NRXN3: variants seen among roughly 807,000 people sequenced by gnomAD.
The protein encoded by NRXN3 is neurexin 3.
NRXN3 carries 32 observed loss-of-function variants against 137.6 expected under a neutral mutation model. The observed-to-expected ratio is 0.23, with a 90% confidence interval of 0.18 to 0.31. NRXN3 has a LOEUF of 0.31. Among genes scored for constraint, NRXN3 ranks in the 10% least tolerant of loss-of-function variants. The pLI is 1.00. For synonymous variants in NRXN3, 798 were observed against 784.5 expected, an observed-to-expected ratio of 1.02 and a Z score of -0.29; for missense variants, 1,574 against 2,062.5, an observed-to-expected ratio of 0.76 and a Z score of 4.59.
intron 16 of NRXN3, among the ~76,000 whole-genome samples, chr14:79,582,286 T>C (rs987486985): frequency 6.6e-6 from 1 of 151,912 alleles, no homozygotes; most frequent in African/African-American, 2.4e-5. Context: ...TGTAAGGTAA[T>C]AGGAGCTCAC....
intron 10 of NRXN3, among the ~76,000 whole-genome samples, chr14:78,853,937 A>G (rs999381421): frequency 6.6e-6 from 1 of 152,226 alleles, no homozygotes; most frequent in Admixed American, 6.5e-5. Flanking sequence ...GCATTACAGC[A>G]GAGCTAAAGC....
chr14:78,733,282 G>A (rs530315316), intron 8 of NRXN3, among the ~76,000 whole-genome samples: 3 of 152,064 alleles, frequency 2.0e-5, no homozygotes, highest in Admixed American at 6.6e-5. Context: ...TAGGTTCAGG[G>A]CACAGGTATC....
At chr14:79,523,566 A>T (rs958698998) in intron 16 of NRXN3, among the ~76,000 whole-genome samples, 2 of 152,350 alleles carry the variant, frequency 1.3e-5, no homozygotes, top group African/African-American at 2.4e-5. Flanking sequence ...AGGATCTGAG[A>T]TCGACAGCTG....
intron 16 of NRXN3, among the ~76,000 whole-genome samples, chr14:79,497,353 G>C (rs1406548543): frequency 6.6e-6 from 1 of 152,118 alleles, no homozygotes; most frequent in African/African-American, 2.4e-5. Context: ...CAGAGCCTTT[G>C]CTCTTGTTGA....
intron 20 of NRXN3, chr14:79,853,734 C>A: frequency 9.0e-7 from 1 of 1,106,148 alleles, no homozygotes; most frequent in Non-Finnish European, 1.1e-6. Flanking sequence ...TCATCCATCT[C>A]CCTAAATTAA....
chr14:78,375,137 C>T (rs976330), intron 4 of NRXN3, among the ~76,000 whole-genome samples: 144,777 of 152,308 alleles, frequency 0.95, 69,086 homozygotes, highest in Non-Finnish European at 1. Flanking sequence ...ACTTACTTTT[C>T]CTAAATTCCC....
At chr14:78,291,890 T>C (rs1024280756) in intron 3 of NRXN3, among the ~76,000 whole-genome samples, 1 of 152,224 alleles carries the variant, frequency 6.6e-6, no homozygotes, top group Admixed American at 6.5e-5. Flanking sequence ...GAGATAACTT[T>C]TTTTTCGTCT....
At chr14:78,441,166 G>A (rs2094232662) in intron 4 of NRXN3, among the ~76,000 whole-genome samples, 1 of 152,130 alleles carries the variant, frequency 6.6e-6, no homozygotes. Flanking sequence ...GCAGTGGAGT[G>A]GAATCATCCC....
Position 78,753,751 on chromosome 14 carries a change from C to A in NRXN3, c.2044+38612C>A, listed in dbSNP as rs532670556. On this transcript the variant is annotated intron_variant, in intron 8 of 20. Transcript: ENST00000335750. ...AGGTTGAAATTGGCAGAGCTGAGGT[C>A]CAAATCAGAGAAATTCAGCATCGAT... The A allele has an allele frequency of 5.3e-5, 8 of 152,280 alleles. No individual in the cohort carries two copies. The South Asian group carries it at 1.7e-3, about 32-fold the overall frequency. 9.4% of individuals were successfully genotyped at this position (152,280 alleles called of 1,614,324 possible).
At chr14:79,096,077 CT>C (rs2050267689) in intron 15 of NRXN3, among the ~76,000 whole-genome samples, 1 of 151,436 alleles carries the variant, frequency 6.6e-6, no homozygotes, top group Non-Finnish European at 1.5e-5. Flanking sequence ...TTCCCTGCCT[CT>C]CTCTTTTTTG....
intron 4 of NRXN3, among the ~76,000 whole-genome samples, chr14:78,519,035 A>G (rs866854597): frequency 1.3e-5 from 2 of 152,250 alleles, no homozygotes; most frequent in South Asian, 4.2e-4. Flanking sequence ...CCTTTCAGAT[A>G]GACTCTAGTA....
intron 15 of NRXN3, among the ~76,000 whole-genome samples, chr14:79,267,508 C>A (rs1353986063): frequency 1.3e-5 from 2 of 152,112 alleles, no homozygotes; most frequent in African/African-American, 4.8e-5. Flanking sequence ...CAAGCATGCA[C>A]CACCACACCC....
At chr14:79,803,420 T>C (rs1409663961) in intron 19 of NRXN3, among the ~76,000 whole-genome samples, 1 of 152,118 alleles carries the variant, frequency 6.6e-6, no homozygotes, top group African/African-American at 2.4e-5. Context: ...ATTAGTGTCT[T>C]CTGAGAACTC....
chr14:79,861,427 A>C lies in NRXN3; in HGVS notation c.4179A>C (p.Lys1393Asn). The change falls in exon 21 of 21, where the codon AAA becomes AAC. Residue 1393 changes from lysine to asparagine, a missense_variant. Physicochemically the swap from Lys to Asn is moderately conservative, Grantham distance 94 (BLOSUM62 0). Coordinates refer to ENST00000335750, the MANE Select transcript of NRXN3 (RefSeq NM_001330195.2). This position sits in a 1 kb window ranked among gnomAD's most constrained non-coding sequence, Gnocchi z 5.4. ...KWESKDFRPNKVSETSRTTTT... is the reference protein window; with the variant it reads ...KWESKDFRPNNVSETSRTTTT... Reference sequence around the variant, plus strand: ...AATCCAAGGACTTTAGACCTAACAAAGTCTCCGAAACTAGTAGGACTACTA... The same window carrying C: ...AATCCAAGGACTTTAGACCTAACAACGTCTCCGAAACTAGTAGGACTACTA... 1 of 1,536,386 alleles carries C rather than the reference A, an allele frequency of 6.5e-7. No individual in the cohort carries two copies. Among genetic ancestry groups the C allele is most frequent in the Non-Finnish European group, 8.7e-7 (1 of 1,146,976 alleles).
chr14:79,049,347 A>G (rs1005467356), intron 15 of NRXN3, among the ~76,000 whole-genome samples: 5 of 152,206 alleles, frequency 3.3e-5, no homozygotes, highest in African/African-American at 1.2e-4. Context: ...TTCTTTGCTT[A>G]TCATACGAAG....
chr14:79,635,679 C>T (rs972301335), intron 16 of NRXN3, among the ~76,000 whole-genome samples: 2 of 152,092 alleles, frequency 1.3e-5, no homozygotes, highest in Non-Finnish European at 2.9e-5. Context: ...CATCAAATGG[C>T]GTTTTCCCTG....
intron 4 of NRXN3, among the ~76,000 whole-genome samples, chr14:78,399,235 A>G (rs2091813992): frequency 6.6e-6 from 1 of 152,168 alleles, no homozygotes; most frequent in Non-Finnish European, 1.5e-5. Flanking sequence ...TTTTATATAT[A>G]GTATAAAAAC....
intron 15 of NRXN3, chr14:79,281,843 T>G (rs1489134968): frequency 1.3e-5 from 2 of 152,288 alleles, no homozygotes; most frequent in African/African-American, 4.8e-5. Context: ...CAGACCCTAT[T>G]TGGAAAGTTG....
chr14:79,367,262 C>G (rs1000203288), intron 15 of NRXN3, among the ~76,000 whole-genome samples: 2 of 152,198 alleles, frequency 1.3e-5, no homozygotes, highest in Non-Finnish European at 2.9e-5. Context: ...GGATTACAGG[C>G]GTGAGCCACC....
Sources: gnomAD v4.1 joint callset for allele counts (sites outside exome capture counted in the v4.1 genomes callset) on GRCh38, gnomAD v4.1.1 for gene constraint, Gnocchi (gnomAD v3.1) non-coding constraint, MANE v1.5 for transcripts, NCBI Gene and HGNC (gene_info 2026-07-23, HGNC 2026-07-21) for gene names.